The following SHANK2 variants were observed in gnomAD, a reference collection of about 807,000 sequenced individuals.
SHANK2 encodes the protein SH3 and multiple ankyrin repeat domains protein 2.
Under a neutral mutation model 133.7 loss-of-function variants are expected in SHANK2, and 43 were observed. The ratio of observed to expected loss-of-function variants is 0.32; its 90% CI spans 0.25 to 0.41. The LOEUF (loss-of-function observed/expected upper bound fraction) is 0.41, where lower values mean the gene tolerates loss of function less well. Ranked by LOEUF, SHANK2 falls within the 10% of genes least tolerant of loss-of-function variation. The pLI is 1.00. For synonymous variants in SHANK2, 1,017 were observed against 952.8 expected, an observed-to-expected ratio of 1.07 and a Z score of -1.24; for missense variants, 1,994 against 2,235.8, an observed-to-expected ratio of 0.89 and a Z score of 2.18.
intron 3 of SHANK2, among the ~76,000 whole-genome samples, chr11:71,126,869 A>G (rs1402907862): frequency 1.3e-5 from 2 of 151,314 alleles, no homozygotes; most frequent in African/African-American, 2.4e-5. Context: ...CACCCTACCC[A>G]GCCAATTTTT....
At chr11:70,609,200 G>A (rs1323886775) in intron 17 of SHANK2, among the ~76,000 whole-genome samples, 16 of 152,234 alleles carry the variant, frequency 1.1e-4, no homozygotes, top group Non-Finnish European at 1.6e-4. Flanking sequence ...GCAAGGCTCC[G>A]GGACGGCCCA....
chr11:70,742,110 TC>T (rs1946540547), intron 14 of SHANK2, among the ~76,000 whole-genome samples: 1 of 152,114 alleles, frequency 6.6e-6, no homozygotes, highest in Non-Finnish European at 1.5e-5. Context: ...CCTAGGAAAC[TC>T]CAAATTCTGA....
At chr11:71,079,380 G>T (rs990853591) in intron 8 of SHANK2, among the ~76,000 whole-genome samples, 1 of 152,218 alleles carries the variant, frequency 6.6e-6, no homozygotes, top group Non-Finnish European at 1.5e-5. Context: ...TGTGCTCTCC[G>T]CGTGGAGGGC....
chr11:71,180,843 CA>C, intron 2 of SHANK2, among the ~76,000 whole-genome samples: 1 of 152,142 alleles, frequency 6.6e-6, no homozygotes, highest in East Asian at 2.0e-4. Flanking sequence ...AGCAAAAATT[CA>C]GGGGCAAGGT....
intron 23 of SHANK2, chr11:70,489,706 T>A (rs1411512379): frequency 2.8e-6 from 1 of 358,268 alleles, no homozygotes; most frequent in African/African-American, 2.1e-5. Context: ...TCTCAAAGGG[T>A]CAAGTGTGAC....
Position 70,698,640 on chromosome 11 carries a change from G to T in SHANK2, c.1853+48C>A, listed in dbSNP as rs373998647. 10 of 718,232 alleles carry T rather than the reference G, an allele frequency of 1.4e-5. 1 individual carries two copies. Among genetic ancestry groups the T allele is most frequent in the East Asian group, 5.4e-5 (2 of 37,304 alleles). 44.5% of individuals were successfully genotyped at this position (718,232 alleles called of 1,614,324 possible). ...GGTCCAAAGCATTTGCAGCACAGAC[G>T]AACAGCTTTGACCAGAGGGTCCTGG... On this transcript the variant is annotated intron_variant, in intron 15 of 25. Transcript: ENST00000601538.
intron 1 of SHANK2, among the ~76,000 whole-genome samples, chr11:71,233,474 G>A (rs1316683752): frequency 1.3e-5 from 2 of 152,094 alleles, no homozygotes; most frequent in Non-Finnish European, 2.9e-5. Context: ...GAAGAGGAGG[G>A]AAGATCAGAG....
intron 17 of SHANK2, among the ~76,000 whole-genome samples, chr11:70,511,600 CT>C (rs1356058776): frequency 6.6e-6 from 1 of 152,226 alleles, no homozygotes. Flanking sequence ...CAGGTAAGTA[CT>C]GCAGCTCCTG....
intron 10 of SHANK2, chr11:70,933,232 G>A: frequency 2.2e-6 from 1 of 456,416 alleles, no homozygotes; most frequent in Non-Finnish European, 4.4e-6. Flanking sequence ...GAGGAACCTT[G>A]AGGACACTGT....
intron 11 of SHANK2, among the ~76,000 whole-genome samples, chr11:70,857,797 G>A (rs1410098577): frequency 6.6e-6 from 1 of 152,190 alleles, no homozygotes; most frequent in East Asian, 1.9e-4. Context: ...ACCCTTGAAG[G>A]CCAAAAATGG....
At chr11:70,794,141 T>TCCACA (rs1384570653) in intron 14 of SHANK2, among the ~76,000 whole-genome samples, 4 of 151,440 alleles carry the variant, frequency 2.6e-5, no homozygotes, top group Admixed American at 6.6e-5. Flanking sequence ...ATCAGCCAGG[T>TCCACA]GTGGTGGTGG....
At chr11:71,173,033 G>A (rs1469125961) in intron 2 of SHANK2, among the ~76,000 whole-genome samples, 1 of 152,256 alleles carries the variant, frequency 6.6e-6, no homozygotes, top group African/African-American at 2.4e-5. Flanking sequence ...ACTCAACCCT[G>A]TCACTGTGCC....
At chr11:70,698,899 G>C (rs1945458396) in intron 14 of SHANK2, 136 bp from the exon 15 acceptor site, 2 of 696,126 alleles carry the variant, frequency 2.9e-6, no homozygotes, top group South Asian at 3.0e-5. Flanking sequence ...GAAGAGTCTG[G>C]AGGAAAATGA....
At chr11:71,220,027 C>T (rs1209544972) in intron 2 of SHANK2, among the ~76,000 whole-genome samples, 1 of 151,930 alleles carries the variant, frequency 6.6e-6, no homozygotes, top group South Asian at 2.1e-4. Flanking sequence ...AGTTCAAGAC[C>T]AGCCTGGACA....
At chr11:70,749,230 G>A (rs562798265) in intron 14 of SHANK2, among the ~76,000 whole-genome samples, 290 of 152,326 alleles carry the variant, frequency 1.9e-3, no homozygotes, top group Admixed American at 3.3e-3. Flanking sequence ...GAGAGCCCTG[G>A]AGGGAGAAGA....
At chr11:71,161,138 G>T (rs1191104353) in intron 2 of SHANK2, among the ~76,000 whole-genome samples, 4 of 152,096 alleles carry the variant, frequency 2.6e-5, no homozygotes, top group African/African-American at 9.7e-5. Flanking sequence ...CATTATATCT[G>T]CCTCCCTTTG....
chr11:70,776,369 C>G (rs1555043894), intron 14 of SHANK2, among the ~76,000 whole-genome samples: 1 of 152,170 alleles, frequency 6.6e-6, no homozygotes, highest in Non-Finnish European at 1.5e-5. Context: ...GACAGGCATG[C>G]AAAGTCTAAG....
chr11:70,950,948 C>G (rs1284345312), intron 10 of SHANK2: 1 of 161,402 alleles, frequency 6.2e-6, no homozygotes, highest in African/African-American at 2.4e-5. Flanking sequence ...GAATTATAAG[C>G]ATGAGCCACT....
intron 17 of SHANK2, among the ~76,000 whole-genome samples, chr11:70,510,563 C>T (rs1164101138): frequency 1.3e-5 from 2 of 152,212 alleles, no homozygotes; most frequent in Admixed American, 6.5e-5. Context: ...TGCCACTGGA[C>T]CCAGCTGTCT....
Sources: allele counts gnomAD v4.1 joint callset (sites outside exome capture counted in the v4.1 genomes callset), GRCh38; gene constraint gnomAD v4.1.1; transcripts MANE v1.5; gene names NCBI Gene and HGNC (gene_info 2026-07-23, HGNC 2026-07-21).